Variants in ASAH2 observed in about 807,000 individuals in gnomAD.
The protein encoded by ASAH2 is N-acylsphingosine amidohydrolase 2.
ASAH2 carries 58 observed loss-of-function variants against 82.9 expected under a neutral mutation model. That is an observed-to-expected ratio of 0.70 (90% CI 0.57 to 0.87). ASAH2 has a LOEUF of 0.87. Among genes scored for constraint, ASAH2 ranks in the 40% least tolerant of loss-of-function variants. The probability of loss-of-function intolerance (pLI) is 0.00; values close to 1 mark genes in which losing one functional copy is unlikely to be tolerated. For missense variants in ASAH2, 779 were observed against 834.0 expected (o/e 0.93, Z 0.81); for synonymous variants, 276 against 289.7 (o/e 0.95, Z 0.48).
At chr10:50,218,059 G>GT (rs1845652287) in intron 8 of ASAH2, among the ~76,000 whole-genome samples, 2 of 152,188 alleles carry the variant, frequency 1.3e-5, no homozygotes, top group Non-Finnish European at 2.9e-5. Flanking sequence ...GGGAGGCAGA[G>GT]GTTTCAATGA....
chr10:50,240,807 C>T (rs1182132295), intron 4 of ASAH2, among the ~76,000 whole-genome samples: 1 of 152,186 alleles, frequency 6.6e-6, no homozygotes, highest in Non-Finnish European at 1.5e-5. Context: ...AAAATGTTTT[C>T]CTAATTTGCA....
chr10:50,203,775 TCATCACA>T, intron 14 of ASAH2, 96 bp from the exon 15 acceptor site: 1 of 1,002,114 alleles, frequency 1.0e-6, no homozygotes. Context: ...TTACCCTGGC[TCATCACA>T]CAATAGTAAA....
At chr10:50,234,856 A>G (rs936929873) in intron 5 of ASAH2, among the ~76,000 whole-genome samples, 9 of 152,130 alleles carry the variant, frequency 5.9e-5, no homozygotes, top group Non-Finnish European at 1.3e-4. Flanking sequence ...TCAGTTTGTC[A>G]CTTCAGATAG....
chr10:50,215,084 G>A (rs1468772251), intron 8 of ASAH2, among the ~76,000 whole-genome samples: 1 of 152,196 alleles, frequency 6.6e-6, no homozygotes. Context: ...GATCCCATTT[G>A]CCAATGTTGG....
chr10:50,222,612 T>C (rs1411830206), intron 7 of ASAH2, among the ~76,000 whole-genome samples: 1 of 152,084 alleles, frequency 6.6e-6, no homozygotes, highest in African/African-American at 2.4e-5. Flanking sequence ...ATTTTAAGCC[T>C]CAGAAAATAA....
intron 4 of ASAH2, among the ~76,000 whole-genome samples, chr10:50,237,453 T>C (rs1846190600): frequency 6.6e-6 from 1 of 152,198 alleles, no homozygotes; most frequent in African/African-American, 2.4e-5. Flanking sequence ...ACATATGACT[T>C]GTTCTAAAAC....
chr10:50,235,362 G>A (rs2133225921), intron 5 of ASAH2, among the ~76,000 whole-genome samples: 1 of 152,172 alleles, frequency 6.6e-6, no homozygotes, highest in Non-Finnish European at 1.5e-5. Flanking sequence ...AGACAGAAAA[G>A]AGAGGAGTAT....
intron 3 of ASAH2, among the ~76,000 whole-genome samples, chr10:50,243,926 G>T (rs565557885): frequency 6.6e-6 from 1 of 152,142 alleles, no homozygotes; most frequent in South Asian, 2.1e-4. Context: ...CATTCCTGTC[G>T]TGGGTGCAAC....
chr10:50,201,914 T>C (rs1845160034), intron 16 of ASAH2, among the ~76,000 whole-genome samples: 1 of 152,128 alleles, frequency 6.6e-6, no homozygotes, highest in East Asian at 1.9e-4. Flanking sequence ...GCAATCACTG[T>C]ATGTGATATG....
At chr10:50,244,965 AG>A (rs1162959795) in intron 3 of ASAH2, among the ~76,000 whole-genome samples, 2 of 151,646 alleles carry the variant, frequency 1.3e-5, no homozygotes, top group Admixed American at 6.6e-5. Flanking sequence ...CACCCCCTGT[AG>A]TATTTGAGTT....
Position 50,187,417 on chromosome 10 carries a change from T to A in ASAH2, c.2241A>T (p.Arg747Ser). Residue 747 changes from arginine to serine, a missense_variant, in exon 21 of 21, where the codon AGA becomes AGT. By Grantham distance (110) the Arg-to-Ser change is moderately radical. Transcript: ENST00000682911. The stretch of plus-strand genomic sequence containing the variant: ...TCCGATTGTGTCCAAAATATCTTAT[T>A]CTGTAGATTCCAGGCTGGGCAGTGT... ...IPDTAQPGIY[R>S]IRYFGHNRKQ... The A allele has an allele frequency of 2.8e-6, 1 of 353,064 alleles. No individual in the cohort carries two copies. Among genetic ancestry groups the A allele is most frequent in the South Asian group, 2.5e-5 (1 of 39,938 alleles). The allele number at this position is 353,064 out of a possible 1,614,324, so 21.9% of individuals were successfully genotyped here.
chr10:50,227,606 C>G lies in ASAH2; in HGVS notation c.893+5578G>C, dbSNP rs1032591640. On this transcript the variant is annotated intron_variant, in intron 7 of 20. Transcript: ENST00000682911. ...TTTTTCAAGTTTTCTATGGTAAGCA[C>G]ACACTATTTTTATACTGAAAAAAAA... Among the ~76,000 whole-genome samples the G allele has an allele frequency of 8.8e-3, 1,345 of 151,988 alleles. 11 individuals carry two copies. Among genetic ancestry groups the G allele is most frequent in the Middle Eastern group, 0.041 (12 of 292 alleles).
chr10:50,194,489 CA>C (rs1335041604), intron 18 of ASAH2, among the ~76,000 whole-genome samples: 1 of 151,260 alleles, frequency 6.6e-6, no homozygotes, highest in Non-Finnish European at 1.5e-5. Context: ...AGAGAATCTA[CA>C]AAAAATCCTA....
chr10:50,213,091 C>T lies in ASAH2; in HGVS notation c.1141-33G>A, dbSNP rs1049673017. ...AAAATAAGATATGATGCATTCTTGG[C>T]CAAGTAAGAAATTATTTTAAGGAAT... is the stretch of plus-strand genomic sequence containing the variant. On this transcript the variant is annotated intron_variant, in intron 9 of 20. Coordinates refer to ENST00000682911, the MANE Select transcript of ASAH2 (RefSeq NM_019893.4). The T allele has an allele frequency of 6.1e-3, 9,317 of 1,536,514 alleles. 188 individuals carry two copies. In the East Asian group the frequency reaches 0.063, roughly 10 times the overall value.
rs1844735370 is a variant in ASAH2, at chr10:50,185,969, A to T, written c.*1346T>A. Reference sequence around the variant, plus strand: ...CTTTGCAGTCTGGGAGGTTGTAGTTAACTTAAAGAATTTTAAATGCAATTA... The same window carrying T: ...CTTTGCAGTCTGGGAGGTTGTAGTTTACTTAAAGAATTTTAAATGCAATTA... On this transcript the variant is annotated 3_prime_UTR_variant, in exon 21 of 21. Transcript: ENST00000682911. The T allele has an allele frequency of 6.7e-6, 1 of 149,512 alleles. No individual in the cohort carries two copies. Among genetic ancestry groups the T allele is most frequent in the South Asian group, 2.1e-4 (1 of 4,742 alleles). 9.3% of individuals were successfully genotyped at this position (149,512 alleles called of 1,614,324 possible). A position where few individuals can be genotyped will look rare whatever the true frequency, so the allele number is the denominator to read the frequency against.
At chr10:50,234,769 C>T (rs568659634) in intron 5 of ASAH2, among the ~76,000 whole-genome samples, 6 of 152,114 alleles carry the variant, frequency 3.9e-5, no homozygotes, top group South Asian at 2.1e-4. Context: ...CCGTGTTATA[C>T]GGAAGCACAG....
chr10:50,235,633 T>G (rs1048111541), intron 5 of ASAH2, among the ~76,000 whole-genome samples: 6 of 152,134 alleles, frequency 3.9e-5, no homozygotes, highest in Non-Finnish European at 8.8e-5. Flanking sequence ...ACCAAAATGT[T>G]TTCTGTCTGT....
intron 9 of ASAH2, 97 bp from the exon 10 acceptor site, chr10:50,213,155 A>T: frequency 8.8e-7 from 1 of 1,138,582 alleles, no homozygotes; most frequent in Non-Finnish European, 1.3e-6. Flanking sequence ...AGATTTTTAA[A>T]ACCACATTCT....
intron 4 of ASAH2, among the ~76,000 whole-genome samples, chr10:50,240,129 A>G (rs1350761084): frequency 1.3e-5 from 2 of 151,996 alleles, no homozygotes; most frequent in African/African-American, 4.8e-5. Context: ...CACCCGGCTG[A>G]CTCACATTTA....
Sources: gnomAD v4.1 joint callset for allele counts (sites outside exome capture counted in the v4.1 genomes callset) on GRCh38, gnomAD v4.1.1 for gene constraint, MANE v1.5 for transcripts, NCBI Gene and HGNC (gene_info 2026-07-23, HGNC 2026-07-21) for gene names.